The following SMARCA2 variants were observed in gnomAD, a reference collection of about 807,000 sequenced individuals.
SMARCA2 encodes SWI/SNF related BAF chromatin remodeling complex subunit ATPase 2, also known as SWI/SNF-related matrix-associated actin-dependent regulator of chromatin subfamily A member 2.
In SMARCA2, 61 loss-of-function variants were observed where a neutral mutation model predicts 199.8. The observed-to-expected ratio is 0.31, with a 90% confidence interval of 0.25 to 0.38. SMARCA2 has a LOEUF of 0.38. SMARCA2 is among the 10% of genes least tolerant of loss of function. The pLI is 1.00. For synonymous variants in SMARCA2, 935 were observed against 732.0 expected, an observed-to-expected ratio of 1.28 and a Z score of -4.48; for missense variants, 1,344 against 2,012.2, an observed-to-expected ratio of 0.67 and a Z score of 6.35.
At chr9:2,116,468 A>G (rs1823222745) in intron 25 of SMARCA2, among the ~76,000 whole-genome samples, 1 of 152,190 alleles carries the variant, frequency 6.6e-6, no homozygotes, top group Non-Finnish European at 1.5e-5. Flanking sequence ...TTGATCAGGG[A>G]TCACAGAGCT....
At chr9:2,159,949 G>T in intron 27 of SMARCA2, 1 of 1,583,944 alleles carries the variant, frequency 6.3e-7, no homozygotes, top group South Asian at 1.1e-5. Context: ...AGATTCAGTA[G>T]AACTACATCC....
At chr9:2,105,842 A>T (rs759946421) in intron 23 of SMARCA2, among the ~76,000 whole-genome samples, 1 of 152,120 alleles carries the variant, frequency 6.6e-6, no homozygotes, top group Admixed American at 6.5e-5. Context: ...CTGCGTAACT[A>T]TCACTTGCTA....
At chr9:2,080,515 G>A (rs1037146183) in intron 14 of SMARCA2, among the ~76,000 whole-genome samples, 1 of 152,188 alleles carries the variant, frequency 6.6e-6, no homozygotes, top group Admixed American at 6.5e-5. Context: ...CTTTTCTAAA[G>A]CTCTAGTGGT....
chr9:2,132,639 C>T (rs1026185944), intron 27 of SMARCA2, among the ~76,000 whole-genome samples: 14 of 152,080 alleles, frequency 9.2e-5, no homozygotes, highest in African/African-American at 3.1e-4. Context: ...ATCAGATTTA[C>T]TGGGGCAAAA....
At chr9:2,051,248 A>G (rs925938381) in intron 5 of SMARCA2, among the ~76,000 whole-genome samples, 1 of 152,186 alleles carries the variant, frequency 6.6e-6, no homozygotes, top group East Asian at 1.9e-4. Context: ...TATGGAGTCT[A>G]CCTTTCCTCT....
chr9:2,176,655 G>A (rs1281141739), intron 29 of SMARCA2, among the ~76,000 whole-genome samples: 1 of 151,716 alleles, frequency 6.6e-6, no homozygotes, highest in African/African-American at 2.4e-5. Context: ...GGGCTCAAGC[G>A]ATCCTCCCAC....
intron 32 of SMARCA2, among the ~76,000 whole-genome samples, chr9:2,187,952 C>T (rs946583544): frequency 1.3e-5 from 2 of 151,720 alleles, no homozygotes; most frequent in African/African-American, 2.4e-5. Context: ...TTTTTATAAA[C>T]AAATTTATGT....
intron 28 of SMARCA2, among the ~76,000 whole-genome samples, chr9:2,167,565 G>A (rs926129794): frequency 6.6e-6 from 1 of 152,194 alleles, no homozygotes; most frequent in African/African-American, 2.4e-5. Context: ...GCACAGAGGG[G>A]TGGCAGCCAC....
Position 2,161,612 on chromosome 9 carries a change from TA to T in SMARCA2, c.3982-71del. ...TTATTCTAATTGTTGGAGCTATATA[TA>T]AATATACACATACTTTTTTTGTCTT... On this transcript the variant is annotated intron_variant, in intron 27 of 33. Transcript: ENST00000349721. The surrounding 1 kb of genome is among the most constrained non-coding windows in gnomAD (Gnocchi z 4.7). 1 of 998,096 alleles carries T rather than the reference TA, an allele frequency of 1.0e-6. No individual in the cohort carries two copies. The highest frequency in any genetic ancestry group is 1.6e-5 in the African/African-American group (1 of 61,246). The allele number at this position is 998,096 out of a possible 1,614,324, so 61.8% of individuals were successfully genotyped here.
rs1820357280 is a variant in SMARCA2 at position 2,056,416 on chromosome 9, T to G, written c.1174-256T>G. 6.6e-6 allele frequency among the ~76,000 whole-genome samples: 1 copy of G among 152,248 alleles called. No individual in the cohort carries two copies. The highest frequency in any genetic ancestry group is 6.5e-5 in the Admixed American group (1 of 15,290). On this transcript the variant is annotated intron_variant, in intron 6 of 33. Coordinates refer to ENST00000349721, the MANE Select transcript of SMARCA2 (RefSeq NM_003070.5). This position sits in a 1 kb window ranked among gnomAD's most constrained non-coding sequence, Gnocchi z 4.0. ...TAAAAGGCAAGACAACATCTTTTCT[T>G]TCTTTTACTGTTACAGTACTATAAT...
intron 31 of SMARCA2, among the ~76,000 whole-genome samples, chr9:2,184,538 AGAG>A (rs1827293130): frequency 6.6e-6 from 1 of 151,498 alleles, no homozygotes; most frequent in Non-Finnish European, 1.5e-5. Flanking sequence ...TTTTTTTAGT[AGAG>A]ATGGGGTTTC....
At chr9:2,154,149 CAG>C (rs1825218519) in intron 27 of SMARCA2, among the ~76,000 whole-genome samples, 1 of 152,170 alleles carries the variant, frequency 6.6e-6, no homozygotes, top group Non-Finnish European at 1.5e-5. Flanking sequence ...CTGCAAAATG[CAG>C]AGAGTAAGAG....
rs1021937941 is a variant in SMARCA2 at position 2,123,346 on chromosome 9, TC to T, written c.3763-371del. ...TTCTTTACTCAAAGAATAAGTTTCT[TC>T]CAGGGAAGCAATGAGTTGTATAGCC... On this transcript the variant is annotated intron_variant, in intron 26 of 33. Transcript: ENST00000349721. This position sits in a 1 kb window ranked among gnomAD's most constrained non-coding sequence, Gnocchi z 4.1. 6.6e-6 allele frequency among the ~76,000 whole-genome samples: 1 copy of T among 152,216 alleles called. No homozygotes were observed. Among genetic ancestry groups the T allele is most frequent in the Non-Finnish European group, 1.5e-5 (1 of 68,038 alleles).
intron 26 of SMARCA2, among the ~76,000 whole-genome samples, chr9:2,121,499 T>C (rs754660188): frequency 6.6e-5 from 10 of 152,208 alleles, no homozygotes; most frequent in Non-Finnish European, 1.2e-4. Context: ...GGGCAGGAAA[T>C]AAAATTTGAA....
intron 31 of SMARCA2, among the ~76,000 whole-genome samples, 165 bp downstream of exon 31, chr9:2,182,407 G>A (rs929216190): frequency 7.3e-5 from 11 of 151,100 alleles, no homozygotes; most frequent in Non-Finnish European, 1.2e-4. Flanking sequence ...TAGAGGCTTT[G>A]GCATCTGCAG....
intron 28 of SMARCA2, among the ~76,000 whole-genome samples, chr9:2,164,777 T>A (rs1333864702): frequency 6.6e-6 from 1 of 152,206 alleles, no homozygotes; most frequent in Non-Finnish European, 1.5e-5. Context: ...TCTTTTTAAC[T>A]TTTCCTTGTT....
chr9:2,144,860 A>C (rs111407745), intron 27 of SMARCA2, among the ~76,000 whole-genome samples: 3,806 of 152,308 alleles, frequency 0.025, 166 homozygotes, highest in African/African-American at 0.087. Flanking sequence ...GCTGCTGAGG[A>C]CATCCAGACT....
chr9:2,139,288 A>G (rs963651591), intron 27 of SMARCA2, among the ~76,000 whole-genome samples: 1 of 152,018 alleles, frequency 6.6e-6, no homozygotes, highest in Non-Finnish European at 1.5e-5. Flanking sequence ...CTCCCCTAAG[A>G]CTTGTAGGTT....
At chr9:2,077,308 C>T (rs542882310) in intron 13 of SMARCA2, among the ~76,000 whole-genome samples, 2 of 152,150 alleles carry the variant, frequency 1.3e-5, no homozygotes, top group South Asian at 2.1e-4. Context: ...GGTTCAGGCT[C>T]CTATCTGTCT....
Sources: allele counts gnomAD v4.1 joint callset (sites outside exome capture counted in the v4.1 genomes callset), GRCh38; gene constraint gnomAD v4.1.1; non-coding constraint Gnocchi (gnomAD v3.1); transcripts MANE v1.5; gene names NCBI Gene and HGNC (gene_info 2026-07-23, HGNC 2026-07-21).